Variants in ACVR2A observed in about 807,000 individuals in gnomAD.
ACVR2A encodes activin receptor type-2A.
A neutral mutation model predicts 61.4 loss-of-function variants in ACVR2A; 7 were observed. The observed-to-expected ratio is 0.11, with a 90% CI of 0.06 to 0.21. The LOEUF (loss-of-function observed/expected upper bound fraction) is 0.21, where lower values mean the gene tolerates loss of function less well. Ranked by LOEUF, ACVR2A falls within the 10% of genes least tolerant of loss-of-function variation. ACVR2A has a pLI of 1.00. For synonymous variants in ACVR2A, 193 were observed against 208.3 expected, an observed-to-expected ratio of 0.93 and a Z score of 0.63; for missense variants, 322 against 621.7, an observed-to-expected ratio of 0.52 and a Z score of 5.13.
At chr2:147,880,599 T>G (rs1686276426) in intron 1 of ACVR2A, among the ~76,000 whole-genome samples, 1 of 152,152 alleles carries the variant, frequency 6.6e-6, no homozygotes, top group African/African-American at 2.4e-5. Context: ...CTTAGTTGAG[T>G]TTCAGAATTA....
At chr2:147,884,436 T>C (rs1686381796) in intron 1 of ACVR2A, among the ~76,000 whole-genome samples, 1 of 152,178 alleles carries the variant, frequency 6.6e-6, no homozygotes, top group African/African-American at 2.4e-5. Flanking sequence ...AAAAGAATTT[T>C]CTGTTGTGTG....
chr2:147,926,568 G>A (rs974131103), intron 10 of ACVR2A, among the ~76,000 whole-genome samples: 10 of 151,794 alleles, frequency 6.6e-5, no homozygotes, highest in Non-Finnish European at 4.4e-5. Context: ...TTTTAATTTC[G>A]GCTTAGACTT....
intron 4 of ACVR2A, among the ~76,000 whole-genome samples, chr2:147,910,001 T>C (rs1337798632): frequency 6.6e-6 from 1 of 152,196 alleles, no homozygotes; most frequent in Non-Finnish European, 1.5e-5. Flanking sequence ...TTGAGGACTG[T>C]TGCTGGTGTC....
intron 1 of ACVR2A, among the ~76,000 whole-genome samples, chr2:147,882,636 A>G (rs549299690): frequency 6.6e-6 from 1 of 152,320 alleles, no homozygotes; most frequent in South Asian, 2.1e-4. Context: ...CTCCTTACAC[A>G]TGCCACATGC....
At chr2:147,893,685 G>A (rs1185563346) in intron 1 of ACVR2A, among the ~76,000 whole-genome samples, 1 of 152,136 alleles carries the variant, frequency 6.6e-6, no homozygotes, top group Non-Finnish European at 1.5e-5. Flanking sequence ...CTTTGGCAAA[G>A]GACCTATTTG....
At chr2:147,848,046 T>C (rs949737763) in intron 1 of ACVR2A, among the ~76,000 whole-genome samples, 2 of 152,196 alleles carry the variant, frequency 1.3e-5, no homozygotes, top group African/African-American at 4.8e-5. Flanking sequence ...ATGGTAATTA[T>C]GTTTTCTTCA....
intron 2 of ACVR2A, 29 bp downstream of exon 2, chr2:147,896,537 GTAT>G (rs1395654407): frequency 2.5e-6 from 4 of 1,601,128 alleles, no homozygotes; most frequent in Non-Finnish European, 3.4e-6. Flanking sequence ...TTTTATGGTA[GTAT>G]TGAGTAATTT....
intron 1 of ACVR2A, among the ~76,000 whole-genome samples, chr2:147,848,884 C>G (rs1025050749): frequency 2.0e-5 from 3 of 152,034 alleles, no homozygotes; most frequent in African/African-American, 7.2e-5. Flanking sequence ...AGTAAAAGGG[C>G]TCTGCTCTCT....
intron 1 of ACVR2A, among the ~76,000 whole-genome samples, chr2:147,885,529 G>A (rs896309377): frequency 2.0e-5 from 3 of 152,090 alleles, no homozygotes; most frequent in African/African-American, 4.8e-5. Context: ...CAGTTACATT[G>A]TGAAGATCAT....
intron 2 of ACVR2A, chr2:147,898,094 C>T (rs963925543): frequency 2.0e-5 from 3 of 152,182 alleles, no homozygotes; most frequent in Non-Finnish European, 4.4e-5. Flanking sequence ...GAGCCATTTT[C>T]ACTGGAGTCT....
At chr2:147,853,574 G>A (rs997409506) in intron 1 of ACVR2A, among the ~76,000 whole-genome samples, 3 of 152,006 alleles carry the variant, frequency 2.0e-5, no homozygotes, top group Non-Finnish European at 2.9e-5. Context: ...GTCACACTGG[G>A]AATTACTTTA....
At chr2:147,854,056 A>G (rs768459827) in intron 1 of ACVR2A, among the ~76,000 whole-genome samples, 1 of 152,174 alleles carries the variant, frequency 6.6e-6, no homozygotes, top group Non-Finnish European at 1.5e-5. Flanking sequence ...TTAAAAGGAT[A>G]TGGTATGTAA....
At chr2:147,903,871 T>C (rs115662333) in intron 4 of ACVR2A, among the ~76,000 whole-genome samples, 15 of 152,072 alleles carry the variant, frequency 9.9e-5, no homozygotes, top group African/African-American at 3.6e-4. Flanking sequence ...TACACAGTAT[T>C]TGTATGGAAT....
At chr2:147,872,551 C>T (rs191060192) in intron 1 of ACVR2A, among the ~76,000 whole-genome samples, 2 of 149,910 alleles carry the variant, frequency 1.3e-5, no homozygotes, top group Admixed American at 6.7e-5. Context: ...TTGGCTTGAT[C>T]TCTTCCTTTG....
rs116779039 is a variant in ACVR2A, at chr2:147,871,775, C to G, written c.56-24526C>G. ...TTCATTTTAAAGACAAACTTGCCTT[C>G]TACTCTTTGGGGTCACCTAGAGAGC... is the stretch of plus-strand genomic sequence containing the variant. On this transcript the variant is annotated intron_variant, in intron 1 of 10. Coordinates refer to ENST00000241416, the MANE Select transcript of ACVR2A (RefSeq NM_001616.5). 3.8e-3 allele frequency among the ~76,000 whole-genome samples: 573 copies of G among 152,118 alleles called. 4 individuals carry two copies. The highest frequency in any genetic ancestry group is 0.013 in the African/African-American group (540 of 41,516).
intron 1 of ACVR2A, among the ~76,000 whole-genome samples, chr2:147,851,890 C>T (rs1319123179): frequency 2.0e-5 from 3 of 152,018 alleles, no homozygotes; most frequent in East Asian, 3.8e-4. Context: ...AATTATTTCA[C>T]TTCTCTGAGC....
chr2:147,899,391 A>G, intron 2 of ACVR2A, 67 bp from the exon 3 acceptor site: 4 of 1,011,916 alleles, frequency 4.0e-6, no homozygotes, highest in Non-Finnish European at 5.6e-6. Flanking sequence ...TTGCAGAATA[A>G]AAACACTTGT....
Position 147,918,397 on chromosome 2 carries a change from A to G in ACVR2A, c.817-50A>G, listed in dbSNP as rs770264388. On this transcript the variant is annotated intron_variant, in intron 6 of 10. Coordinates refer to ENST00000241416, the MANE Select transcript of ACVR2A (RefSeq NM_001616.5). ...GGTAAAAAGAAAAGTCTCCTTATAC[A>G]TATGGCCTTTGTCAAGAACATAAGT... 3.2e-6 allele frequency: 5 copies of G among 1,543,968 alleles called. No homozygotes were observed. In the African/African-American group the frequency reaches 5.6e-5, roughly 17 times the overall value.
At position 147,928,158 on chromosome 2, in the gene ACVR2A, CTAAG is replaced by C. The variant is rs939088237; in HGVS notation, c.*887_*890del. ...CAGTTCCCAAAATTTGCATACTTAC[CTAAG>C]TATTTTTTTTAGGTGTGCTGTGTTT... On this transcript the variant is annotated 3_prime_UTR_variant, in exon 11 of 11. Coordinates refer to ENST00000241416, the MANE Select transcript of ACVR2A (RefSeq NM_001616.5). 1 of 152,024 alleles carries C rather than the reference CTAAG, an allele frequency of 6.6e-6. No individual in the cohort carries two copies. The allele number at this position is 152,024 out of a possible 1,614,324, so 9.4% of individuals were successfully genotyped here.
Sources: allele counts gnomAD v4.1 joint callset (sites outside exome capture counted in the v4.1 genomes callset), GRCh38; gene constraint gnomAD v4.1.1; transcripts MANE v1.5; gene names NCBI Gene and HGNC (gene_info 2026-07-23, HGNC 2026-07-21).